The following WBP2NL variants were observed in gnomAD, a reference collection of about 807,000 sequenced individuals.
WBP2NL encodes the protein WBP2 N-terminal like.
A neutral mutation model predicts 23.3 loss-of-function variants in WBP2NL; 27 were observed. The observed-to-expected ratio is 1.16, with a 90% confidence interval of 0.85 to 1.60. The LOEUF is 1.60. Ranked by LOEUF, WBP2NL falls within the 40% of genes most tolerant of loss-of-function variation. WBP2NL has a pLI of 0.00. For synonymous variants in WBP2NL, 151 were observed against 145.9 expected (o/e 1.03, Z -0.25); for missense variants, 370 against 389.5 (o/e 0.95, Z 0.42).
chr22:42,025,002 C>T (rs1389259058), intron 5 of WBP2NL, among the ~76,000 whole-genome samples: 1 of 152,132 alleles, frequency 6.6e-6, no homozygotes, highest in Admixed American at 6.5e-5. Context: ...GTAGTTTCAC[C>T]ATGTTGTTCA....
downstream of WBP2NL, among the ~76,000 whole-genome samples, chr22:42,029,517 A>G (rs1924794820): frequency 6.6e-6 from 1 of 152,058 alleles, no homozygotes; most frequent in Non-Finnish European, 1.5e-5. Flanking sequence ...GATTACAGGC[A>G]GGTAAAACCA....
chr22:42,045,473 C>T (rs1047365676), intron 8 of WBP2NL, among the ~76,000 whole-genome samples: 5 of 152,016 alleles, frequency 3.3e-5, no homozygotes, highest in Non-Finnish European at 5.9e-5. Flanking sequence ...AACAGCCTCT[C>T]GCCAGGCTAA....
intron 8 of WBP2NL, among the ~76,000 whole-genome samples, chr22:42,056,902 C>T (rs1385569202): frequency 6.6e-6 from 1 of 152,014 alleles, no homozygotes; most frequent in Non-Finnish European, 1.5e-5. Flanking sequence ...CTTCTTGTTT[C>T]CATGGTTTCT....
chr22:42,021,111 G>T (rs1381514661), intron 4 of WBP2NL, among the ~76,000 whole-genome samples: 1 of 150,246 alleles, frequency 6.7e-6, no homozygotes, highest in Non-Finnish European at 1.5e-5. Context: ...GTAGAGACGG[G>T]GTTTCACCAT....
chr22:42,049,697 AAACAAAAC>A (rs1925751348), intron 8 of WBP2NL, among the ~76,000 whole-genome samples: 7 of 89,378 alleles, frequency 7.8e-5, no homozygotes, highest in African/African-American at 5.9e-4. Context: ...CTCCAAAACA[AAACAAAAC>A]AAAAAAAAAA....
intron 8 of WBP2NL, among the ~76,000 whole-genome samples, chr22:42,039,464 A>G (rs980772093): frequency 6.6e-6 from 1 of 150,768 alleles, no homozygotes; most frequent in African/African-American, 2.4e-5. Context: ...AAGTACTGTG[A>G]TCATAGGTGT....
chr22:42,031,673 A>G (rs1453988437), downstream of WBP2NL: 1 of 151,410 alleles, frequency 6.6e-6, no homozygotes, highest in Non-Finnish European at 1.5e-5. Context: ...ACAAAAACAT[A>G]TAGTTGGTGT....
At chr22:42,045,858 T>C (rs1267806533) in intron 8 of WBP2NL, among the ~76,000 whole-genome samples, 5 of 152,244 alleles carry the variant, frequency 3.3e-5, no homozygotes, top group African/African-American at 1.2e-4. Flanking sequence ...ATATTTACTT[T>C]TAAAATGCTT....
At chr22:42,005,207 A>G (rs984331060) in intron 1 of WBP2NL, among the ~76,000 whole-genome samples, 2 of 145,960 alleles carry the variant, frequency 1.4e-5, no homozygotes, top group Non-Finnish European at 3.0e-5. Flanking sequence ...ACAGAGTGTA[A>G]GACTCTGTCT....
chr22:42,024,018 A>G (rs930870077), intron 5 of WBP2NL, among the ~76,000 whole-genome samples: 3 of 152,168 alleles, frequency 2.0e-5, no homozygotes, highest in African/African-American at 2.4e-5. Flanking sequence ...ATCCCCTGGT[A>G]TCCTCTAATC....
rs770102276 is a variant in WBP2NL at position 42,026,937 on chromosome 22, C to CAGGATATGGAGCCCCACCTCT, written c.708_728dup (p.Ala240_Gly246dup). On this transcript the variant is annotated inframe_insertion, in exon 6 of 6. Coordinates refer to ENST00000328823, the MANE Select transcript of WBP2NL (RefSeq NM_152613.3). ...CCTCTTGGATACGGAGCCCCACCTG[C>CAGGATATGGAGCCCCACCTCT]AGGATATGGAGCCCCACCTCTAGGA... 3 of 1,611,240 alleles carry CAGGATATGGAGCCCCACCTCT rather than the reference C, an allele frequency of 1.9e-6. No homozygotes were observed. The highest frequency in any genetic ancestry group is 1.1e-5 in the South Asian group (1 of 90,952).
At chr22:42,021,661 T>G (rs1266718635) in intron 4 of WBP2NL, among the ~76,000 whole-genome samples, 1 of 152,098 alleles carries the variant, frequency 6.6e-6, no homozygotes, top group Non-Finnish European at 1.5e-5. Context: ...ACTTAGAAGT[T>G]TTTTCTGAAT....
Position 42,007,360 on chromosome 22 carries a change from A to T in WBP2NL, c.62+8480A>T, listed in dbSNP as rs898827714. Among the ~76,000 whole-genome samples, 26 of 152,312 alleles carry T rather than the reference A, an allele frequency of 1.7e-4. 1 individual carries two copies. The highest frequency in any genetic ancestry group is 5.8e-4 in the African/African-American group (24 of 41,574). On this transcript the variant is annotated intron_variant, in intron 1 of 5. Transcript: ENST00000328823. Reference sequence around the variant, plus strand: ...TGTGAGGTCAGAGGATTAGACTTTTAAAAAGAGATTAAAAATATTTATTGA... The same window carrying T: ...TGTGAGGTCAGAGGATTAGACTTTTTAAAAGAGATTAAAAATATTTATTGA...
intron 1 of WBP2NL, chr22:42,001,274 A>G (rs1314220443): frequency 1.3e-5 from 9 of 689,430 alleles, no homozygotes; most frequent in African/African-American, 3.5e-5. Flanking sequence ...AATGGTGTTA[A>G]ATGAATAGGA....
intron 1 of WBP2NL, among the ~76,000 whole-genome samples, chr22:42,010,117 T>C (rs1922668804): frequency 6.6e-6 from 1 of 152,244 alleles, no homozygotes; most frequent in African/African-American, 2.4e-5. Flanking sequence ...TCATAATTAG[T>C]GTATAGAAAT....
At chr22:42,012,672 C>T (rs1319408300) in intron 1 of WBP2NL, among the ~76,000 whole-genome samples, 1 of 151,906 alleles carries the variant, frequency 6.6e-6, no homozygotes, top group Non-Finnish European at 1.5e-5. Context: ...ATAGTTTTGC[C>T]ACTCATAGAA....
intron 8 of WBP2NL, among the ~76,000 whole-genome samples, chr22:42,043,815 C>G (rs1400944958): frequency 6.6e-6 from 1 of 152,064 alleles, no homozygotes; most frequent in Non-Finnish European, 1.5e-5. Flanking sequence ...CAACCTCCAC[C>G]TCCCAGGTTC....
chr22:42,017,499 C>G (rs1452992340), intron 1 of WBP2NL, among the ~76,000 whole-genome samples: 1 of 152,174 alleles, frequency 6.6e-6, no homozygotes, highest in African/African-American at 2.4e-5. Flanking sequence ...TCTCTTCTTT[C>G]ACTAAATTGC....
At chr22:42,042,216 A>T (rs1405499507) in intron 8 of WBP2NL, among the ~76,000 whole-genome samples, 1 of 152,126 alleles carries the variant, frequency 6.6e-6, no homozygotes, top group African/African-American at 2.4e-5. Context: ...AAGATTTGGG[A>T]ATCTTTTTAG....
Sources: gnomAD v4.1 joint callset for allele counts (sites outside exome capture counted in the v4.1 genomes callset) on GRCh38, gnomAD v4.1.1 for gene constraint, MANE v1.5 for transcripts, NCBI Gene and HGNC (gene_info 2026-07-23, HGNC 2026-07-21) for gene names.